Variants in STRIP2 observed in about 807,000 individuals in gnomAD.
STRIP2 encodes striatin-interacting protein 2.
A neutral mutation model predicts 107.1 loss-of-function variants in STRIP2; 84 were observed. The observed-to-expected ratio is 0.78, with a 90% confidence interval of 0.66 to 0.94. STRIP2 has a LOEUF of 0.94. Among genes scored for constraint, STRIP2 ranks in the 40% least tolerant of loss-of-function variants. STRIP2 has a pLI of 0.00. For missense variants in STRIP2, 888 were observed against 1,034.2 expected (o/e 0.86, Z 1.94); for synonymous variants, 394 against 400.4 (o/e 0.98, Z 0.19).
intron 18 of STRIP2, among the ~76,000 whole-genome samples, chr7:129,475,574 A>C (rs28649976): frequency 1.2e-4 from 5 of 42,444 alleles, no homozygotes; most frequent in African/African-American, 1.6e-4. Flanking sequence ...TTTTCTTTTT[A>C]TTTTTTTTTA....
intron 18 of STRIP2, among the ~76,000 whole-genome samples, chr7:129,478,542 C>A (rs1474730976): frequency 6.6e-6 from 1 of 152,040 alleles, no homozygotes; most frequent in Non-Finnish European, 1.5e-5. Flanking sequence ...TGGCAGTAAC[C>A]TAAATGACCA....
intron 9 of STRIP2, among the ~76,000 whole-genome samples, chr7:129,457,920 G>A (rs966481): frequency 0.31 from 47,068 of 152,110 alleles, 8,519 homozygotes; most frequent in East Asian, 0.6. Context: ...TAATTAGGAA[G>A]GAAAGTGCTG....
chr7:129,482,355 C>CTA (rs201665090), intron 19 of STRIP2, among the ~76,000 whole-genome samples: 34 of 109,222 alleles, frequency 3.1e-4, no homozygotes, highest in African/African-American at 4.6e-4. Flanking sequence ...CTCTCTCTCT[C>CTA]TATATATATA....
chr7:129,451,849 T>C, intron 4 of STRIP2, 102 bp downstream of exon 4: 2 of 1,412,624 alleles, frequency 1.4e-6, no homozygotes, highest in East Asian at 4.6e-5. Context: ...AAAGCAAGGT[T>C]TCTTGCCTCT....
intron 13 of STRIP2, chr7:129,460,664 AC>A: frequency 2.7e-6 from 1 of 371,534 alleles, no homozygotes; most frequent in Non-Finnish European, 5.1e-6. Context: ...GAGTAGGTAG[AC>A]CTCTGAGAAG....
In STRIP2 at chr7:129,483,142, A is replaced by G. The variant is rs954875620; in HGVS notation, c.2254+96A>G. 4 of 1,491,888 alleles carry G rather than the reference A, an allele frequency of 2.7e-6. No homozygotes were observed. The South Asian group carries it at 4.1e-5, about 15-fold the overall frequency. The allele number at this position is 1,491,888 out of a possible 1,614,324, so 92.4% of individuals were successfully genotyped here. A position where few individuals can be genotyped will look rare whatever the true frequency, so the allele number is the denominator to read the frequency against. Reference sequence around the variant, plus strand: ...CACTCCTCTTTTGGCATGAATTGTTACATATTTTAGATGAAAAAATATGTG... The same window carrying G: ...CACTCCTCTTTTGGCATGAATTGTTGCATATTTTAGATGAAAAAATATGTG... On this transcript the variant is annotated intron_variant, in intron 20 of 20. Transcript: ENST00000249344. This position sits in a 1 kb window ranked among gnomAD's most constrained non-coding sequence, Gnocchi z 5.1.
intron 18 of STRIP2, chr7:129,477,914 G>A (rs916266709): frequency 5.8e-6 from 3 of 519,274 alleles, no homozygotes; most frequent in South Asian, 1.4e-5. Context: ...AAAATTTATA[G>A]ACAAGAAGTT....
chr7:129,458,838 G>A lies in STRIP2; in HGVS notation c.1340+61G>A. The A allele has an allele frequency of 4.5e-6, 7 of 1,547,996 alleles. No homozygotes were observed. The highest frequency in any genetic ancestry group is 6.2e-6 in the Non-Finnish European group (7 of 1,120,742). On this transcript the variant is annotated intron_variant, in intron 11 of 20. Coordinates refer to ENST00000249344, the MANE Select transcript of STRIP2 (RefSeq NM_020704.3). The surrounding 1 kb of genome is among the most constrained non-coding windows in gnomAD (Gnocchi z 4.6). ...GGTTCCTAGGGGGCCAGAGGAGCAGGTAGCTTGGAATGAGGGATGGTGCCT... is the reference window on the plus strand; with the variant it reads ...GGTTCCTAGGGGGCCAGAGGAGCAGATAGCTTGGAATGAGGGATGGTGCCT...
intron 11 of STRIP2, among the ~76,000 whole-genome samples, chr7:129,459,223 A>G (rs1035236293): frequency 2.0e-5 from 3 of 152,164 alleles, no homozygotes; most frequent in Non-Finnish European, 4.4e-5. Context: ...TTCATAGTCA[A>G]GGTGTCATTG....
Position 129,462,982 on chromosome 7 carries a change from C to T in STRIP2, c.1493C>T (p.Pro498Leu). 6.2e-7 allele frequency: 1 copy of T among 1,614,034 alleles called. No individual in the cohort carries two copies. Among genetic ancestry groups the T allele is most frequent in the Non-Finnish European group, 8.5e-7 (1 of 1,179,946 alleles). ...CPMSLGEEVV[P>L]ETPCEILYQG... The stretch of plus-strand genomic sequence containing the variant: ...TTGCCATAGGGGGAAGAGGTGGTAC[C>T]AGAGACGCCATGTGAAATCCTCTAC... Residue 498 changes from proline (P) to leucine (L), a missense_variant, in exon 14 of 21, where the codon CCA (proline) becomes CTA (leucine). Physicochemically the swap from Pro to Leu is moderately conservative, Grantham distance 98. Transcript: ENST00000249344.
At chr7:129,444,854 A>G (rs967676651) in intron 3 of STRIP2, among the ~76,000 whole-genome samples, 1 of 152,234 alleles carries the variant, frequency 6.6e-6, no homozygotes, top group African/African-American at 2.4e-5. Flanking sequence ...TATGAAGTCA[A>G]TAAATCTTAT....
chr7:129,460,332 T>C lies in STRIP2; in HGVS notation c.1436T>C (p.Ile479Thr), dbSNP rs73234771. The change falls in exon 13 of 21, where the codon ATC (isoleucine) becomes ACC (threonine). Residue 479 changes from isoleucine (I) to threonine (T), a missense_variant. Coordinates refer to ENST00000249344, the MANE Select transcript of STRIP2 (RefSeq NM_020704.3). Reference protein sequence around the residue: ...HKYISIADVQIKNEEELEKCP... With the variant: ...HKYISIADVQTKNEEELEKCP... The stretch of plus-strand genomic sequence containing the variant: ...TATATCTCCATCGCAGATGTGCAGA[T>C]CAAGAATGAAGAGGAGCTGGAGAAG... The C allele has an allele frequency of 8.1e-6, 13 of 1,613,922 alleles. No individual in the cohort carries two copies. Among genetic ancestry groups the C allele is most frequent in the Admixed American group, 3.3e-5 (2 of 59,990 alleles).
chr7:129,453,217 G>T lies in STRIP2; in HGVS notation c.410-10G>T. On this transcript the variant is annotated splice_polypyrimidine_tract_variant and intron_variant, in intron 4 of 20. Transcript: ENST00000249344. ...CCCTCAACCCCTGTAACAACTGTCT[G>T]GTCCTTTAGGTACTTTTGGGGAATG... 1 of 1,613,924 alleles carries T rather than the reference G, an allele frequency of 6.2e-7. No homozygotes were observed. Among genetic ancestry groups the T allele is most frequent in the Non-Finnish European group, 8.5e-7 (1 of 1,179,898 alleles).
At chr7:129,470,259 T>C (rs1214533147) in intron 17 of STRIP2, among the ~76,000 whole-genome samples, 2 of 152,194 alleles carry the variant, frequency 1.3e-5, no homozygotes, top group African/African-American at 4.8e-5. Flanking sequence ...CATCCTCAGA[T>C]TGTTATCCAG....
rs937266337 is a variant in STRIP2, at chr7:129,464,119, G to A, written c.1627G>A (p.Asp543Asn). The A allele has an allele frequency of 1.2e-6, 2 of 1,612,636 alleles. No homozygotes were observed. Among genetic ancestry groups the A allele is most frequent in the Non-Finnish European group, 1.7e-6 (2 of 1,179,952 alleles). ...GACAGACTCTATCAATATCCTGGCA[G>A]ATGTCCTACCTGAGGAGATGCCGTG... ...AKTDSINILA[D>N]VLPEEMPITV... The change falls in exon 15 of 21, where the codon GAT becomes AAT. Residue 543 changes from aspartate to asparagine, a missense_variant. Physicochemically the swap from Asp to Asn is conservative, Grantham distance 23 (BLOSUM62 1). Transcript: ENST00000249344.
chr7:129,452,056 A>C (rs1480613531), intron 4 of STRIP2, among the ~76,000 whole-genome samples: 1 of 152,154 alleles, frequency 6.6e-6, no homozygotes, highest in Non-Finnish European at 1.5e-5. Context: ...GCCAGAGCTG[A>C]TATGTACCAC....
At chr7:129,463,843 T>G (rs1212136198) in intron 14 of STRIP2, among the ~76,000 whole-genome samples, 1 of 152,224 alleles carries the variant, frequency 6.6e-6, no homozygotes, top group African/African-American at 2.4e-5. Context: ...TCCCTCTGGC[T>G]TTCTCCCTAG....
intron 18 of STRIP2, among the ~76,000 whole-genome samples, chr7:129,476,424 G>T (rs981946772): frequency 6.8e-6 from 1 of 148,120 alleles, no homozygotes; most frequent in African/African-American, 2.5e-5. Flanking sequence ...CTCAGACGGG[G>T]CGGCTGCCGG....
intron 17 of STRIP2, 152 bp downstream of exon 17, chr7:129,467,602 T>C: frequency 3.7e-6 from 2 of 537,568 alleles, no homozygotes; most frequent in Non-Finnish European, 3.3e-6. Flanking sequence ...AAGTGTTAGC[T>C]GATGGAGTGT....
Sources: gnomAD v4.1 joint callset for allele counts (sites outside exome capture counted in the v4.1 genomes callset) on GRCh38, gnomAD v4.1.1 for gene constraint, Gnocchi (gnomAD v3.1) non-coding constraint, MANE v1.5 for transcripts, NCBI Gene and HGNC (gene_info 2026-07-23, HGNC 2026-07-21) for gene names.